Variants in MKLN1 observed in about 807,000 individuals in gnomAD.
MKLN1 encodes muskelin.
Under a neutral mutation model 99.0 loss-of-function variants are expected in MKLN1, and 18 were observed. That is an observed-to-expected ratio of 0.18 (90% CI 0.13 to 0.27). MKLN1 has a LOEUF of 0.27. MKLN1 is among the 10% of genes least tolerant of loss of function. MKLN1 has a pLI of 1.00. For missense variants in MKLN1, 621 were observed against 875.9 expected (o/e 0.71, Z 3.67); for synonymous variants, 288 against 293.2 (o/e 0.98, Z 0.18).
chr7:131,184,023 C>CT lies in MKLN1; in HGVS notation c.-296-18823dup, dbSNP rs370235057. Among the ~76,000 whole-genome samples the CT allele has an allele frequency of 4.0e-4, 58 of 146,464 alleles. 1 individual carries two copies. In the South Asian group the frequency reaches 8.5e-3, roughly 22 times the overall value. ...CAAACGGAGTAAAGAAGAAGAGTTA[C>CT]TTTTTTTTTTTAAGCTGCCTTGAGG... On this transcript the variant is annotated intron_variant, in intron 2 of 7. Coordinates refer to the MKLN1 transcript ENST00000416992.
chr7:131,126,176 T>C (rs773428737), intron 1 of MKLN1, among the ~76,000 whole-genome samples: 1 of 152,064 alleles, frequency 6.6e-6, no homozygotes, highest in Non-Finnish European at 1.5e-5. Context: ...AAGGGGTATA[T>C]AACGAGGCTT....
At chr7:131,173,968 CTTTTTCTTT>C (rs1320630177) in intron 2 of MKLN1, among the ~76,000 whole-genome samples, 1 of 118,654 alleles carries the variant, frequency 8.4e-6, no homozygotes, top group Non-Finnish European at 1.9e-5. Context: ...AGACCTTTTT[CTTTTTCTTT>C]TTTTTTTTTT....
At chr7:131,231,514 C>G (rs985358546) in intron 3 of MKLN1, among the ~76,000 whole-genome samples, 1 of 152,150 alleles carries the variant, frequency 6.6e-6, no homozygotes, top group Admixed American at 6.5e-5. Context: ...TAGAACTCTA[C>G]TGTTGCTCTT....
exon 2 of MKLN1, chr7:131,142,908 G>T: frequency 7.7e-7 from 1 of 1,305,030 alleles, no homozygotes; most frequent in Non-Finnish European, 1.0e-6. Flanking sequence ...TTCATAACCT[G>T]CTCCATGCTT....
intron 15 of MKLN1, among the ~76,000 whole-genome samples, chr7:131,468,066 TGAGG>T (rs1308625602): frequency 6.6e-6 from 1 of 152,144 alleles, no homozygotes; most frequent in Non-Finnish European, 1.5e-5. Context: ...CACCACCATT[TGAGG>T]GACAGGCAGA....
chr7:131,327,093 A>C (rs1433010978), upstream of MKLN1: 1 of 152,204 alleles, frequency 6.6e-6, no homozygotes, highest in Non-Finnish European at 1.5e-5. Context: ...CTCTAAGAAG[A>C]AGGAATAGTC....
intron 3 of MKLN1, among the ~76,000 whole-genome samples, chr7:131,321,289 C>T (rs568622530): frequency 9.2e-5 from 14 of 152,178 alleles, no homozygotes; most frequent in South Asian, 2.1e-4. Context: ...ACATGGATGA[C>T]GCTGGAAGCC....
At chr7:131,415,671 T>C (rs1794998490) in intron 8 of MKLN1, among the ~76,000 whole-genome samples, 1 of 152,040 alleles carries the variant, frequency 6.6e-6, no homozygotes, top group South Asian at 2.1e-4. Context: ...TCCAAATGCC[T>C]TTCTGCCCTG....
chr7:131,233,372 A>AC (rs1563261409), intron 3 of MKLN1, among the ~76,000 whole-genome samples: 21 of 117,726 alleles, frequency 1.8e-4, no homozygotes, highest in African/African-American at 7.1e-4. Context: ...CCTGTCTCCA[A>AC]AAAATAAATA....
At chr7:131,371,620 A>G (rs1335816841) in intron 1 of MKLN1, among the ~76,000 whole-genome samples, 1 of 152,004 alleles carries the variant, frequency 6.6e-6, no homozygotes, top group Non-Finnish European at 1.5e-5. Context: ...TTTTGCATTT[A>G]GTGGTCCATC....
intron 3 of MKLN1, among the ~76,000 whole-genome samples, chr7:131,228,797 C>T (rs78073641): frequency 7.8e-4 from 119 of 152,310 alleles, no homozygotes; most frequent in Non-Finnish European, 1.5e-3. Context: ...CACAACCTTC[C>T]TTGATAGAAC....
chr7:131,231,027 C>T (rs966217790), intron 3 of MKLN1, among the ~76,000 whole-genome samples: 7 of 135,230 alleles, frequency 5.2e-5, no homozygotes, highest in African/African-American at 1.7e-4. Flanking sequence ...GGCCGAGGCA[C>T]GAGAATCGTT....
chr7:131,440,407 C>T (rs1011346144), intron 10 of MKLN1, among the ~76,000 whole-genome samples: 1 of 152,060 alleles, frequency 6.6e-6, no homozygotes, highest in African/African-American at 2.4e-5. Context: ...AGTTCTTGAG[C>T]GAGAACATCC....
intron 1 of MKLN1, among the ~76,000 whole-genome samples, chr7:131,126,304 A>C (rs1795456959): frequency 6.6e-6 from 1 of 152,066 alleles, no homozygotes; most frequent in African/African-American, 2.4e-5. Flanking sequence ...ATGAACTTTT[A>C]TTTTTGCTTA....
chr7:131,176,441 T>C (rs1282449256), intron 2 of MKLN1, among the ~76,000 whole-genome samples: 2 of 152,230 alleles, frequency 1.3e-5, no homozygotes, highest in Non-Finnish European at 2.9e-5. Context: ...TCCTTGTTGG[T>C]ACAAAAAGTG....
intron 9 of MKLN1, among the ~76,000 whole-genome samples, chr7:131,434,530 C>A (rs1020409269): frequency 1.3e-5 from 2 of 151,158 alleles, no homozygotes; most frequent in Non-Finnish European, 3.0e-5. Context: ...TCTTTCTGTT[C>A]TCTTTTCCTT....
At chr7:131,212,197 T>C (rs1796915820) in intron 3 of MKLN1, among the ~76,000 whole-genome samples, 1 of 152,230 alleles carries the variant, frequency 6.6e-6, no homozygotes, top group East Asian at 1.9e-4. Context: ...TCCTCTTCTC[T>C]CAACTTCTCA....
chr7:131,123,443 T>C (rs1171726221), intron 1 of MKLN1, among the ~76,000 whole-genome samples: 2 of 152,212 alleles, frequency 1.3e-5, no homozygotes, highest in African/African-American at 4.8e-5. Flanking sequence ...TCATAAAATA[T>C]CATTCTTCTT....
intron 1 of MKLN1, chr7:131,328,256 G>A (rs1798952700): frequency 2.1e-6 from 1 of 484,004 alleles, no homozygotes. Flanking sequence ...AGAACCGGAA[G>A]CCCAGCGGTT....
Sources: gnomAD v4.1 joint callset for allele counts (sites outside exome capture counted in the v4.1 genomes callset) on GRCh38, gnomAD v4.1.1 for gene constraint, MANE v1.5 for transcripts, NCBI Gene and HGNC (gene_info 2026-07-23, HGNC 2026-07-21) for gene names.